Variants in RUNDC3B observed in about 807,000 individuals in gnomAD.
RUNDC3B encodes RUN domain-containing protein 3B.
Under a neutral mutation model 58.4 loss-of-function variants are expected in RUNDC3B, and 33 were observed. The observed-to-expected ratio is 0.56, with a 90% CI of 0.43 to 0.75. The LOEUF (loss-of-function observed/expected upper bound fraction) is 0.75. Among genes scored for constraint, RUNDC3B ranks in the 30% least tolerant of loss-of-function variants. The pLI, the probability that RUNDC3B is intolerant of heterozygous loss-of-function variation, is 0.00. For synonymous variants in RUNDC3B, 193 were observed against 195.2 expected, an observed-to-expected ratio of 0.99 and a Z score of 0.10; for missense variants, 501 against 535.7, an observed-to-expected ratio of 0.94 and a Z score of 0.64.
intron 6 of RUNDC3B, among the ~76,000 whole-genome samples, chr7:87,745,345 G>A (rs1344384034): frequency 1.3e-5 from 2 of 152,136 alleles, no homozygotes; most frequent in African/African-American, 4.8e-5. Flanking sequence ...ATGTATTAGG[G>A]AAGGTTCCTT....
chr7:87,742,628 GT>G lies in RUNDC3B; in HGVS notation c.629+1056del, dbSNP rs915373350. On this transcript the variant is annotated intron_variant, in intron 6 of 10. Transcript: ENST00000394654. ...GATAGATAGATAGATAGATATCATG[GT>G]TTTTTTAATTGAGAAAATGAGCTTT... 4.1e-5 allele frequency among the ~76,000 whole-genome samples: 6 copies of G among 146,688 alleles called. No homozygotes were observed. The South Asian group carries it at 1.1e-3, about 27-fold the overall frequency.
intron 6 of RUNDC3B, among the ~76,000 whole-genome samples, chr7:87,770,318 G>C (rs73200333): frequency 0.04 from 6,071 of 151,854 alleles, 177 homozygotes; most frequent in Non-Finnish European, 0.058. Context: ...GGCATTCTTG[G>C]TTTATATCTT....
chr7:87,779,425 A>T (rs1362315838), intron 8 of RUNDC3B, among the ~76,000 whole-genome samples: 2 of 152,192 alleles, frequency 1.3e-5, no homozygotes, highest in Non-Finnish European at 2.9e-5. Flanking sequence ...GAATGAGCTT[A>T]TCCATTCTTG....
At chr7:87,825,358 C>T (rs1346623011) in intron 10 of RUNDC3B, among the ~76,000 whole-genome samples, 1 of 152,220 alleles carries the variant, frequency 6.6e-6, no homozygotes, top group Non-Finnish European at 1.5e-5. Flanking sequence ...TTGGCAGCTT[C>T]CACGTGGTGT....
chr7:87,795,955 G>T (rs1247813954), intron 8 of RUNDC3B, among the ~76,000 whole-genome samples: 1 of 152,004 alleles, frequency 6.6e-6, no homozygotes, highest in Non-Finnish European at 1.5e-5. Flanking sequence ...CCACCCCTTG[G>T]TATATACCCA....
intron 3 of RUNDC3B, among the ~76,000 whole-genome samples, chr7:87,707,293 T>C (rs1829687831): frequency 6.6e-6 from 1 of 152,110 alleles, no homozygotes; most frequent in Admixed American, 6.5e-5. Context: ...CTTTGGACTT[T>C]TAAGCAATTA....
At chr7:87,790,339 A>G (rs1452077205) in intron 8 of RUNDC3B, among the ~76,000 whole-genome samples, 2 of 152,200 alleles carry the variant, frequency 1.3e-5, no homozygotes, top group East Asian at 3.9e-4. Flanking sequence ...GCCAACTCCC[A>G]TTGACTACCT....
chr7:87,686,195 T>G (rs1271808395), intron 2 of RUNDC3B, among the ~76,000 whole-genome samples: 1 of 152,222 alleles, frequency 6.6e-6, no homozygotes, highest in Non-Finnish European at 1.5e-5. Flanking sequence ...CCTCATTCAT[T>G]CTCTTATTCA....
intron 9 of RUNDC3B, among the ~76,000 whole-genome samples, chr7:87,814,258 G>A (rs1053311329): frequency 2.6e-5 from 4 of 151,792 alleles, no homozygotes; most frequent in African/African-American, 7.3e-5. Context: ...CTGCCACCAC[G>A]CCCAGCTAAT....
At chr7:87,743,819 A>G (rs1420564958) in intron 6 of RUNDC3B, among the ~76,000 whole-genome samples, 1 of 152,076 alleles carries the variant, frequency 6.6e-6, no homozygotes, top group Non-Finnish European at 1.5e-5. Flanking sequence ...TAGTTTAATT[A>G]GGTCCCAGCT....
chr7:87,659,278 CT>C (rs1157378123), intron 2 of RUNDC3B: 6 of 402,310 alleles, frequency 1.5e-5, no homozygotes, highest in Admixed American at 1.1e-4. Flanking sequence ...TTTGTTCCCC[CT>C]GTTCTTGGTT....
In RUNDC3B at chr7:87,628,833, C is replaced by T; in HGVS notation, c.10C>T (p.Arg4Trp). ...CGGGGGTAAGCCCGCCATGGCCTCC[C>T]GGAGCCTGGGGGGCCTGAGCGGGAT... The part of the protein sequence containing the change: MAS[R>W]SLGGLSGIRG... Residue 4 changes from arginine to tryptophan, a missense_variant, in exon 1 of 11, where the codon CGG (arginine) becomes TGG (tryptophan). By Grantham distance (101) the Arg-to-Trp change is moderately radical. Transcript: ENST00000394654. 1 of 1,257,378 alleles carries T rather than the reference C, an allele frequency of 8.0e-7. No individual in the cohort carries two copies. 77.9% of individuals were successfully genotyped at this position (1,257,378 alleles called of 1,614,324 possible).
At chr7:87,821,237 A>C (rs976347441) in intron 10 of RUNDC3B, among the ~76,000 whole-genome samples, 21 of 152,112 alleles carry the variant, frequency 1.4e-4, no homozygotes, top group African/African-American at 4.3e-4. Context: ...GCATTCTTAT[A>C]CACCAATAAC....
chr7:87,638,969 G>A (rs948801586), intron 1 of RUNDC3B, among the ~76,000 whole-genome samples: 3 of 151,968 alleles, frequency 2.0e-5, no homozygotes, highest in South Asian at 4.2e-4. Context: ...TGGCTAACAC[G>A]GTGAAACCCC....
intron 10 of RUNDC3B, among the ~76,000 whole-genome samples, chr7:87,828,336 G>C (rs1261362695): frequency 6.6e-6 from 1 of 152,104 alleles, no homozygotes; most frequent in Non-Finnish European, 1.5e-5. Flanking sequence ...AGTTAGCATA[G>C]TACCCAACAG....
chr7:87,712,765 A>G (rs1309561902), intron 4 of RUNDC3B, among the ~76,000 whole-genome samples: 3 of 152,134 alleles, frequency 2.0e-5, no homozygotes, highest in Non-Finnish European at 4.4e-5. Flanking sequence ...GTAACCATAC[A>G]TAAACATACA....
intron 1 of RUNDC3B, among the ~76,000 whole-genome samples, chr7:87,641,699 A>C (rs1365796238): frequency 1.3e-5 from 2 of 152,146 alleles, no homozygotes; most frequent in Admixed American, 1.3e-4. Flanking sequence ...TCCAAAATAC[A>C]TATTGTTTTG....
intron 9 of RUNDC3B, among the ~76,000 whole-genome samples, chr7:87,810,633 C>G (rs1191501664): frequency 6.6e-6 from 1 of 152,168 alleles, no homozygotes; most frequent in South Asian, 2.1e-4. Context: ...GTCACCTACT[C>G]ATGGAAATGG....
At chr7:87,820,784 A>G (rs1440606105) in intron 10 of RUNDC3B, among the ~76,000 whole-genome samples, 3 of 151,366 alleles carry the variant, frequency 2.0e-5, no homozygotes, top group African/African-American at 7.3e-5. Flanking sequence ...CCAAAGACAA[A>G]AACCACATGA....
Sources: gnomAD v4.1 joint callset for allele counts (sites outside exome capture counted in the v4.1 genomes callset) on GRCh38, gnomAD v4.1.1 for gene constraint, MANE v1.5 for transcripts, NCBI Gene and HGNC (gene_info 2026-07-23, HGNC 2026-07-21) for gene names.